The following FHIT variants were observed in gnomAD, a reference collection of about 807,000 sequenced individuals.
FHIT encodes the protein fragile histidine triad diadenosine triphosphatase.
A neutral mutation model predicts 17.9 loss-of-function variants in FHIT; 19 were observed. The observed-to-expected ratio is 1.06, with a 90% confidence interval of 0.74 to 1.56. FHIT has a LOEUF of 1.56. Ranked by LOEUF, FHIT falls within the 40% of genes most tolerant of loss-of-function variation. The pLI is 0.00. For missense variants in FHIT, 248 were observed against 189.2 expected (o/e 1.31, Z -1.82); for synonymous variants, 81 against 69.7 (o/e 1.16, Z -0.81).
rs911850328 is a variant in FHIT at position 60,849,337 on chromosome 3, A to C, written c.-110-27326T>G. Among the ~76,000 whole-genome samples, 9 of 151,718 alleles carry C rather than the reference A, an allele frequency of 5.9e-5. 1 individual carries two copies. The highest frequency in any genetic ancestry group is 1.7e-4 in the African/African-American group (7 of 41,366). On this transcript the variant is annotated intron_variant, in intron 3 of 9. Transcript: ENST00000492590. ...GATTATACCATTTAGGATTGTTGTC[A>C]ATTCTTTCCATAGGAACAGACTGAA...
At chr3:61,070,749 A>G (rs151048196) in intron 2 of FHIT, among the ~76,000 whole-genome samples, 1 of 152,048 alleles carries the variant, frequency 6.6e-6, no homozygotes, top group Non-Finnish European at 1.5e-5. Flanking sequence ...TTGACATGCT[A>G]TATATTTTGA....
At chr3:60,220,136 G>C (rs563029042) in intron 5 of FHIT, among the ~76,000 whole-genome samples, 3 of 152,072 alleles carry the variant, frequency 2.0e-5, no homozygotes, top group East Asian at 3.9e-4. Context: ...ACAATAATAA[G>C]GTAGATCCAT....
At chr3:60,007,272 G>C (rs577050733) in intron 7 of FHIT, among the ~76,000 whole-genome samples, 1 of 152,286 alleles carries the variant, frequency 6.6e-6, no homozygotes, top group African/African-American at 2.4e-5. Flanking sequence ...GGTTAGATTA[G>C]ATGGAATTAC....
chr3:60,774,187 T>C (rs1019968442), intron 4 of FHIT, among the ~76,000 whole-genome samples: 4 of 152,216 alleles, frequency 2.6e-5, no homozygotes, highest in African/African-American at 9.6e-5. Flanking sequence ...TAGTTCCCTC[T>C]TGTGCACAGG....
chr3:59,941,073 G>C (rs556245212), intron 7 of FHIT, among the ~76,000 whole-genome samples: 3 of 152,314 alleles, frequency 2.0e-5, no homozygotes, highest in Admixed American at 2.0e-4. Flanking sequence ...AAATGAATGA[G>C]TTAAAAAGGA....
At position 60,250,668 on chromosome 3, in the gene FHIT, T is replaced by C. The variant is rs149339284; in HGVS notation, c.104-236516A>G. ...CATCTTGAAGATTTCTGGAGGAACC[T>C]GTTGTAATTAAGTAATCTTCTTCTT... On this transcript the variant is annotated intron_variant, in intron 5 of 9. Transcript: ENST00000492590. Among the ~76,000 whole-genome samples, 517 of 152,326 alleles carry C rather than the reference T, an allele frequency of 3.4e-3. 5 individuals are homozygous for C. Among genetic ancestry groups the C allele is most frequent in the African/African-American group, 0.011 (473 of 41,574 alleles).
chr3:60,410,593 T>C (rs1702026096), intron 5 of FHIT, among the ~76,000 whole-genome samples: 1 of 152,166 alleles, frequency 6.6e-6, no homozygotes, highest in African/African-American at 2.4e-5. Context: ...CCTGGGTGAC[T>C]ACTTAACATA....
At chr3:59,978,504 C>A (rs1708510064) in intron 7 of FHIT, among the ~76,000 whole-genome samples, 1 of 151,584 alleles carries the variant, frequency 6.6e-6, no homozygotes, top group Admixed American at 6.6e-5. Flanking sequence ...ATATTAGAGG[C>A]TGGAATAGTT....
At chr3:61,229,709 T>C (rs902074835) in intron 1 of FHIT, among the ~76,000 whole-genome samples, 2 of 152,210 alleles carry the variant, frequency 1.3e-5, no homozygotes, top group African/African-American at 2.4e-5. Context: ...TTTCAGTACA[T>C]AATAGTGTTA....
chr3:60,123,213 C>G (rs959479087), intron 5 of FHIT, among the ~76,000 whole-genome samples: 19 of 152,092 alleles, frequency 1.2e-4, no homozygotes, highest in Non-Finnish European at 7.4e-5. Flanking sequence ...TAAATCTTTG[C>G]AGTATTAGCA....
At chr3:60,487,630 G>C (rs183670453) in intron 5 of FHIT, among the ~76,000 whole-genome samples, 1 of 152,134 alleles carries the variant, frequency 6.6e-6, no homozygotes, top group Non-Finnish European at 1.5e-5. Flanking sequence ...CAATTACTCC[G>C]TGCTTGGAGC....
chr3:61,071,659 C>T (rs1178554631), intron 2 of FHIT, among the ~76,000 whole-genome samples: 1 of 152,122 alleles, frequency 6.6e-6, no homozygotes, highest in African/African-American at 2.4e-5. Context: ...ACAGTCTATG[C>T]AGCCTATTTC....
At chr3:60,519,391 G>A (rs1241687478) in intron 5 of FHIT, among the ~76,000 whole-genome samples, 1 of 152,064 alleles carries the variant, frequency 6.6e-6, no homozygotes, top group African/African-American at 2.4e-5. Context: ...ATTTACAGTT[G>A]GCCCTTGAAC....
chr3:60,373,123 T>C (rs1219982770), intron 5 of FHIT, among the ~76,000 whole-genome samples: 2 of 152,228 alleles, frequency 1.3e-5, no homozygotes, highest in African/African-American at 4.8e-5. Context: ...AGACCCTACC[T>C]TGCCTTCAAC....
Position 60,016,009 on chromosome 3 carries a change from A to G in FHIT, c.104-1857T>C, listed in dbSNP as rs138565382. On this transcript the variant is annotated intron_variant, in intron 5 of 9. Transcript: ENST00000492590. ...TTTTATATGCCAATTGTTTTAAAAT[A>G]ATATCACAGATGCAATATAATTTAA... Among the ~76,000 whole-genome samples the G allele has an allele frequency of 4.5e-3, 681 of 152,350 alleles. 6 individuals are homozygous for G. Among genetic ancestry groups the G allele is most frequent in the African/African-American group, 0.014 (565 of 41,590 alleles).
At chr3:60,814,279 T>G (rs1701663791) in intron 4 of FHIT, among the ~76,000 whole-genome samples, 1 of 152,066 alleles carries the variant, frequency 6.6e-6, no homozygotes, top group East Asian at 1.9e-4. Context: ...CATGCTGAGG[T>G]TTGGGATATG....
At chr3:60,438,741 C>A (rs1262196839) in intron 5 of FHIT, among the ~76,000 whole-genome samples, 1 of 152,106 alleles carries the variant, frequency 6.6e-6, no homozygotes, top group African/African-American at 2.4e-5. Flanking sequence ...AACATTCATG[C>A]TGATCACCAA....
chr3:60,886,099 C>G (rs868950499), intron 3 of FHIT, among the ~76,000 whole-genome samples: 1 of 152,130 alleles, frequency 6.6e-6, no homozygotes, highest in South Asian at 2.1e-4. Context: ...TGCCTTAATA[C>G]CAAGTTATTT....
rs140828617 is a variant in FHIT, at chr3:59,747,460, T to A, written c.*2125A>T. 6.8e-3 allele frequency among the ~76,000 whole-genome samples: 1,037 copies of A among 152,142 alleles called. 4 individuals are homozygous for A. The highest frequency in any genetic ancestry group is 0.011 in the Non-Finnish European group (763 of 67,968). On this transcript the variant is annotated 3_prime_UTR_variant, in exon 10 of 10. Transcript: ENST00000492590. ...GACCCTCCCCCTTGATTCAGTTACC[T>A]CCCACTGGGTCCCTCCCATGACATG...
Sources: gnomAD v4.1 joint callset for allele counts (sites outside exome capture counted in the v4.1 genomes callset) on GRCh38, gnomAD v4.1.1 for gene constraint, MANE v1.5 for transcripts, NCBI Gene and HGNC (gene_info 2026-07-23, HGNC 2026-07-21) for gene names.